The following MAGI1 variants were observed in gnomAD, a reference collection of about 807,000 sequenced individuals.
MAGI1 encodes membrane-associated guanylate kinase, WW and PDZ domain-containing protein 1.
A neutral mutation model predicts 139.9 loss-of-function variants in MAGI1; 58 were observed. The observed-to-expected ratio is 0.41, with a 90% CI of 0.34 to 0.52. The LOEUF is 0.52. MAGI1 is among the 20% of genes least tolerant of loss of function. The pLI, the probability that MAGI1 is intolerant of heterozygous loss-of-function variation, is 0.12. For synonymous variants in MAGI1, 812 were observed against 737.9 expected, an observed-to-expected ratio of 1.10 and a Z score of -1.63; for missense variants, 1,874 against 1,901.6, an observed-to-expected ratio of 0.99 and a Z score of 0.27.
intron 1 of MAGI1, among the ~76,000 whole-genome samples, chr3:65,664,840 T>G: frequency 6.6e-6 from 1 of 152,174 alleles, no homozygotes; most frequent in East Asian, 1.9e-4. Context: ...CTTTCACATT[T>G]TTGTGCTTTT....
At chr3:65,424,898 GTC>G (rs1409679793) in intron 12 of MAGI1, among the ~76,000 whole-genome samples, 3 of 151,962 alleles carry the variant, frequency 2.0e-5, no homozygotes, top group Non-Finnish European at 4.4e-5. Flanking sequence ...GTGAGACCCT[GTC>G]TCTACAAAAC....
At chr3:65,464,026 G>A (rs1255078102) in intron 5 of MAGI1, among the ~76,000 whole-genome samples, 4 of 151,946 alleles carry the variant, frequency 2.6e-5, no homozygotes, top group Admixed American at 6.6e-5. Flanking sequence ...TTTCAGGGAT[G>A]CCCTGGCCAG....
chr3:65,488,425 C>T (rs1951766580), intron 3 of MAGI1, among the ~76,000 whole-genome samples: 1 of 152,078 alleles, frequency 6.6e-6, no homozygotes, highest in South Asian at 2.1e-4. Flanking sequence ...CAACATCTGC[C>T]TCTTGGGTTC....
intron 1 of MAGI1, among the ~76,000 whole-genome samples, chr3:65,788,833 A>G (rs182197484): frequency 6.6e-6 from 1 of 152,298 alleles, no homozygotes; most frequent in East Asian, 1.9e-4. Flanking sequence ...AATTTAGAGA[A>G]GTTTATTTAT....
At chr3:65,770,692 T>C (rs1311909352) in intron 1 of MAGI1, among the ~76,000 whole-genome samples, 1 of 152,128 alleles carries the variant, frequency 6.6e-6, no homozygotes, top group Admixed American at 6.5e-5. Context: ...TATTCATTTA[T>C]TTACTTATTT....
chr3:65,421,133 T>A (rs1467473861), intron 12 of MAGI1, among the ~76,000 whole-genome samples: 1 of 152,240 alleles, frequency 6.6e-6, no homozygotes, highest in East Asian at 1.9e-4. Flanking sequence ...CATCTCTTGC[T>A]GTAAGTCATC....
chr3:65,383,009 A>G (rs547087277), intron 15 of MAGI1, among the ~76,000 whole-genome samples: 3 of 152,352 alleles, frequency 2.0e-5, no homozygotes, highest in South Asian at 2.1e-4. Flanking sequence ...AATTTATTCC[A>G]AAATGGAGGA....
chr3:65,753,424 T>C (rs2036314059), intron 1 of MAGI1, among the ~76,000 whole-genome samples: 1 of 151,984 alleles, frequency 6.6e-6, no homozygotes, highest in Non-Finnish European at 1.5e-5. Flanking sequence ...ATTTTATTGG[T>C]AAAGAAACTA....
At chr3:65,820,138 A>G (rs1471477525) in intron 1 of MAGI1, among the ~76,000 whole-genome samples, 2 of 152,024 alleles carry the variant, frequency 1.3e-5, no homozygotes, top group Admixed American at 1.3e-4. Context: ...ACAAATCTTT[A>G]CTTCCACACA....
chr3:65,896,126 T>C (rs967002601), intron 1 of MAGI1, among the ~76,000 whole-genome samples: 1 of 152,160 alleles, frequency 6.6e-6, no homozygotes, highest in South Asian at 2.1e-4. Flanking sequence ...CCCACTGCGG[T>C]ATTTTTCTCC....
intron 1 of MAGI1, among the ~76,000 whole-genome samples, chr3:65,747,329 GAGGCTAC>G (rs2035790722): frequency 6.6e-6 from 1 of 152,166 alleles, no homozygotes; most frequent in Non-Finnish European, 1.5e-5. Flanking sequence ...ATGTTTTCCA[GAGGCTAC>G]AGGCCTGAAG....
intron 1 of MAGI1, among the ~76,000 whole-genome samples, chr3:65,989,135 C>T (rs931390014): frequency 1.3e-5 from 2 of 152,234 alleles, no homozygotes; most frequent in African/African-American, 4.8e-5. Context: ...CCTATGCAGA[C>T]ACTATTCAAA....
intron 3 of MAGI1, among the ~76,000 whole-genome samples, chr3:65,491,725 C>G (rs767600795): frequency 6.6e-6 from 1 of 151,088 alleles, no homozygotes; most frequent in Non-Finnish European, 1.5e-5. Flanking sequence ...CACTCCTAGA[C>G]CTCGATTACT....
At chr3:65,609,262 A>G (rs150766586) in intron 2 of MAGI1, among the ~76,000 whole-genome samples, 1 of 149,918 alleles carries the variant, frequency 6.7e-6, no homozygotes, top group African/African-American at 2.5e-5. Flanking sequence ...TTTCATCTCT[A>G]TCTCTCTCTC....
intron 2 of MAGI1, among the ~76,000 whole-genome samples, chr3:65,591,982 T>C (rs980042777): frequency 2.6e-5 from 4 of 152,212 alleles, no homozygotes; most frequent in African/African-American, 9.6e-5. Context: ...CCTCGTATAA[T>C]GTCCCACCTT....
Position 65,429,599 on chromosome 3 carries a change from G to A in MAGI1, c.2088C>T (p.Ala696=), listed in dbSNP as rs1004594703. The A allele has an allele frequency of 3.1e-6, 5 of 1,613,786 alleles. No homozygotes were observed. Among genetic ancestry groups the A allele is most frequent in the Admixed American group, 1.7e-5 (1 of 59,948 alleles). The change falls in exon 12 of 23, where the codon GCC becomes GCT. Residue 696 remains alanine (A), a synonymous_variant. Transcript: ENST00000402939. ...IVEVNKKNVQ[A]LTHNQVVDML... ...TATCCACCACTTGGTTGTGAGTTAG[G>A]GCCTGCACGTTCTTCTTATTAACTT... is the stretch of plus-strand genomic sequence containing the variant.
chr3:65,649,303 G>A (rs963176371), intron 1 of MAGI1, among the ~76,000 whole-genome samples: 1 of 152,086 alleles, frequency 6.6e-6, no homozygotes, highest in Non-Finnish European at 1.5e-5. Flanking sequence ...GGTTGCCTGA[G>A]CCCGGGATTA....
intron 12 of MAGI1, among the ~76,000 whole-genome samples, chr3:65,416,082 C>T (rs76234656): frequency 0.013 from 1,980 of 152,196 alleles, 22 homozygotes; most frequent in Middle Eastern, 0.037. Context: ...TACCTAAGAG[C>T]GTGTAGACCT....
intron 1 of MAGI1, chr3:65,844,098 G>C (rs2058900962): frequency 2.0e-6 from 1 of 505,704 alleles, no homozygotes; most frequent in Non-Finnish European, 3.9e-6. Context: ...GTTGGTAGGT[G>C]TGTCTGGGCC....
Sources: gnomAD v4.1 joint callset for allele counts (sites outside exome capture counted in the v4.1 genomes callset) on GRCh38, gnomAD v4.1.1 for gene constraint, MANE v1.5 for transcripts, NCBI Gene and HGNC (gene_info 2026-07-23, HGNC 2026-07-21) for gene names.